The following SLC16A12 variants were observed in gnomAD, a reference collection of about 807,000 sequenced individuals.
The protein encoded by SLC16A12 is solute carrier family 16 member 12.
In SLC16A12, 17 loss-of-function variants were observed where a neutral mutation model predicts 42.4. The ratio of observed to expected loss-of-function variants is 0.40; its 90% CI spans 0.27 to 0.60. The LOEUF (loss-of-function observed/expected upper bound fraction) is 0.60, where lower values mean the gene tolerates loss of function less well. Ranked by LOEUF, SLC16A12 falls within the 20% of genes least tolerant of loss-of-function variation. The pLI is 0.42. For synonymous variants in SLC16A12, 224 were observed against 229.4 expected, an observed-to-expected ratio of 0.98 and a Z score of 0.21; for missense variants, 544 against 623.0, an observed-to-expected ratio of 0.87 and a Z score of 1.35.
At chr10:89,433,531 ATTG>A (rs1450737855) in intron 7 of SLC16A12, among the ~76,000 whole-genome samples, 1 of 152,220 alleles carries the variant, frequency 6.6e-6, no homozygotes, top group East Asian at 1.9e-4. Context: ...GAGTGAATTG[ATTG>A]TTGTTCTGTA....
intron 3 of SLC16A12, among the ~76,000 whole-genome samples, chr10:89,448,128 AC>A (rs1429410984): frequency 6.6e-6 from 1 of 152,194 alleles, no homozygotes; most frequent in Non-Finnish European, 1.5e-5. Flanking sequence ...TAGCCTACCA[AC>A]CAAAAAAAGT....
In SLC16A12 at chr10:89,430,588, C is replaced by G. The variant is rs1164561255; in HGVS notation, c.*2476G>C. ...AGTTTTGAAATAAACAGTATAGACACATGGAACATTAACACTAAAATTCTG... is the reference window on the plus strand; with the variant it reads ...AGTTTTGAAATAAACAGTATAGACAGATGGAACATTAACACTAAAATTCTG... On this transcript the variant is annotated 3_prime_UTR_variant, in exon 8 of 8. Coordinates refer to ENST00000371790, the MANE Select transcript of SLC16A12 (RefSeq NM_213606.4). The G allele has an allele frequency of 2.2e-6, 1 of 457,622 alleles. No individual in the cohort carries two copies. The highest frequency in any genetic ancestry group is 4.5e-6 in the Non-Finnish European group (1 of 224,110). The allele number at this position is 457,622 out of a possible 1,614,324, so 28.3% of individuals were successfully genotyped here.
chr10:89,552,121 A>T (rs1428073360), intron 2 of SLC16A12, among the ~76,000 whole-genome samples: 2 of 152,044 alleles, frequency 1.3e-5, no homozygotes, highest in Non-Finnish European at 2.9e-5. Flanking sequence ...TTTTTAGTAG[A>T]GACAGGGTTT....
rs771244026 is a variant in SLC16A12 at position 89,441,263 on chromosome 10, A to G, written c.305-12T>C. On this transcript the variant is annotated splice_polypyrimidine_tract_variant and intron_variant, in intron 4 of 7. Coordinates refer to ENST00000371790, the MANE Select transcript of SLC16A12 (RefSeq NM_213606.4). ...ACTCCCAAGTGGAGCTTCAAAAACA[A>G]TAAGAAATAGGTTCAACAGAAAGGC... 6.2e-7 allele frequency: 1 copy of G among 1,613,916 alleles called. No homozygotes were observed. Among genetic ancestry groups the G allele is most frequent in the African/African-American group, 1.3e-5 (1 of 74,932 alleles).
chr10:89,554,417 G>A (rs1030946363), intron 2 of SLC16A12, among the ~76,000 whole-genome samples: 1 of 152,160 alleles, frequency 6.6e-6, no homozygotes, highest in South Asian at 2.1e-4. Context: ...TTTAATGGCC[G>A]AGAAAACCTT....
chr10:89,509,287 CA>C (rs1280386272), intron 2 of SLC16A12, among the ~76,000 whole-genome samples: 14 of 152,138 alleles, frequency 9.2e-5, no homozygotes, highest in Admixed American at 2.0e-4. Context: ...GCAGACACAA[CA>C]AAAAAATAGA....
upstream of SLC16A12, among the ~76,000 whole-genome samples, chr10:89,538,356 A>C (rs1843693573): frequency 6.6e-6 from 1 of 152,230 alleles, no homozygotes; most frequent in Admixed American, 6.5e-5. Context: ...CATTTTAGTT[A>C]ATTAATTATA....
At chr10:89,458,755 C>T (rs1175748996) in intron 3 of SLC16A12, among the ~76,000 whole-genome samples, 1 of 152,160 alleles carries the variant, frequency 6.6e-6, no homozygotes, top group African/African-American at 2.4e-5. Context: ...CACTTTTGAA[C>T]AGTTTTTAAG....
At position 89,462,486 on chromosome 10, in the gene SLC16A12, C is replaced by G; in HGVS notation, c.93G>C (p.Met31Ile). The G allele has an allele frequency of 6.2e-7, 1 of 1,614,048 alleles. No homozygotes were observed. The highest frequency in any genetic ancestry group is 8.5e-7 in the Non-Finnish European group (1 of 1,179,954). ...QPGKEEKRKT[M>I]AKVNRARSTS... ...TAGACCGAGCTCTATTTACTTTTGC[C>G]ATGGTTTTTCTTTTTTCTTCTTTTC... is the stretch of plus-strand genomic sequence containing the variant. Residue 31 changes from methionine to isoleucine, a missense_variant, in exon 3 of 8, where the codon ATG (methionine) becomes ATC (isoleucine). Transcript: ENST00000371790.
At chr10:89,510,897 C>A (rs1422671732) in intron 2 of SLC16A12, among the ~76,000 whole-genome samples, 1 of 152,056 alleles carries the variant, frequency 6.6e-6, no homozygotes, top group Non-Finnish European at 1.5e-5. Context: ...AAAAAACAAA[C>A]AACCCCATCA....
At chr10:89,447,171 C>T (rs1052002748) in intron 3 of SLC16A12, among the ~76,000 whole-genome samples, 1 of 152,110 alleles carries the variant, frequency 6.6e-6, no homozygotes, top group Non-Finnish European at 1.5e-5. Context: ...GAGACTAACG[C>T]CCCACTGTCA....
intron 3 of SLC16A12, among the ~76,000 whole-genome samples, chr10:89,453,486 AT>A (rs1176425732): frequency 6.6e-6 from 1 of 152,152 alleles, no homozygotes; most frequent in Non-Finnish European, 1.5e-5. Context: ...ATAATATCAT[AT>A]TTTTACTGTA....
At chr10:89,548,406 G>C (rs540035002) in intron 2 of SLC16A12, among the ~76,000 whole-genome samples, 71 of 152,282 alleles carry the variant, frequency 4.7e-4, no homozygotes, top group African/African-American at 1.7e-3. Context: ...AAGAGTCAAG[G>C]TTAGAGGTAT....
At chr10:89,464,163 A>G (rs1222453242) in intron 2 of SLC16A12, among the ~76,000 whole-genome samples, 1 of 152,226 alleles carries the variant, frequency 6.6e-6, no homozygotes, top group Admixed American at 6.5e-5. Context: ...ACAGACAGCA[A>G]GAAACATGAA....
At chr10:89,506,337 C>G (rs1003547716) in intron 2 of SLC16A12, among the ~76,000 whole-genome samples, 18 of 152,166 alleles carry the variant, frequency 1.2e-4, no homozygotes, top group Non-Finnish European at 2.4e-4. Context: ...TGGCTGGCAT[C>G]TGGCAGGTGA....
intron 3 of SLC16A12, among the ~76,000 whole-genome samples, chr10:89,459,328 C>A (rs1345541450): frequency 4.1e-5 from 6 of 145,710 alleles, no homozygotes; most frequent in Non-Finnish European, 6.0e-5. Context: ...AAAAAAAAAA[C>A]CCATGTCTTA....
intron 7 of SLC16A12, 89 bp from the exon 8 acceptor site, chr10:89,433,415 A>G (rs1237136531): frequency 2.9e-6 from 4 of 1,367,322 alleles, no homozygotes; most frequent in African/African-American, 1.4e-5. Flanking sequence ...TAAGGATAAT[A>G]ATAGATCGAT....
At position 89,432,858 on chromosome 10, in the gene SLC16A12, A is replaced by T. The variant is rs1841714081; in HGVS notation, c.*206T>A. 3.0e-6 allele frequency: 2 copies of T among 657,964 alleles called. No individual in the cohort carries two copies. The highest frequency in any genetic ancestry group is 4.9e-6 in the Non-Finnish European group (2 of 408,366). 40.8% of individuals were successfully genotyped at this position (657,964 alleles called of 1,614,324 possible). The stretch of plus-strand genomic sequence containing the variant: ...AGATACGAGTTCAGTTATGAGCACA[A>T]ATCCCAAATGAGAAGGCTCTGGGCT... On this transcript the variant is annotated 3_prime_UTR_variant, in exon 8 of 8. Coordinates refer to ENST00000371790, the MANE Select transcript of SLC16A12 (RefSeq NM_213606.4).
At chr10:89,521,230 T>C (rs1298390361) in intron 2 of SLC16A12, among the ~76,000 whole-genome samples, 1 of 152,180 alleles carries the variant, frequency 6.6e-6, no homozygotes, top group Admixed American at 6.5e-5. Flanking sequence ...GCTGATCCCA[T>C]TGTAACTGAT....
Sources: allele counts gnomAD v4.1 joint callset (sites outside exome capture counted in the v4.1 genomes callset), GRCh38; gene constraint gnomAD v4.1.1; transcripts MANE v1.5; gene names NCBI Gene and HGNC (gene_info 2026-07-23, HGNC 2026-07-21).